The following THNSL1 variants were observed in gnomAD, a reference collection of about 807,000 sequenced individuals.
The protein encoded by THNSL1 is threonine synthase like 1.
THNSL1 carries 48 observed loss-of-function variants against 50.4 expected under a neutral mutation model. The ratio of observed to expected loss-of-function variants is 0.95; its 90% CI spans 0.76 to 1.21. The LOEUF (loss-of-function observed/expected upper bound fraction) is 1.21. Ranked by LOEUF, THNSL1 falls within the 50% of genes most tolerant of loss-of-function variation. THNSL1 has a pLI of 0.00. For missense variants in THNSL1, 896 were observed against 871.7 expected (o/e 1.03, Z -0.35); for synonymous variants, 309 against 306.1 (o/e 1.01, Z -0.10).
At chr10:25,007,791 G>A in the THNSL1 span, among the ~76,000 whole-genome samples, 1 of 152,064 alleles carries the variant, frequency 6.6e-6, no homozygotes, top group East Asian at 1.9e-4. Context: ...GCCAGTAAAT[G>A]CATATGGAAG....
chr10:25,012,399 C>T (rs1725087983), upstream of THNSL1, among the ~76,000 whole-genome samples: 1 of 152,200 alleles, frequency 6.6e-6, no homozygotes. Flanking sequence ...ATGCACCATG[C>T]ACCCAGAAAA....
the THNSL1 span, chr10:24,990,588 A>G: frequency 6.2e-7 from 1 of 1,607,592 alleles, no homozygotes; most frequent in Non-Finnish European, 8.5e-7. Flanking sequence ...TTACATATGT[A>G]TTCAGGTGTG....
chr10:25,017,621 CTTT>C (rs139511500), intron 1 of THNSL1, among the ~76,000 whole-genome samples: 2 of 142,156 alleles, frequency 1.4e-5, no homozygotes, highest in Admixed American at 7.0e-5. Flanking sequence ...TTAAGTTTTT[CTTT>C]TTTTTTTTTT....
chr10:25,010,822 A>G, the THNSL1 span, among the ~76,000 whole-genome samples: 5,454 of 149,722 alleles, frequency 0.036, 229 homozygotes, highest in African/African-American at 0.1. Context: ...TATGTGCCAC[A>G]TTTTCTTAGT....
chr10:24,959,401 G>A, the THNSL1 span, among the ~76,000 whole-genome samples: 2,333 of 152,296 alleles, frequency 0.015, 55 homozygotes, highest in African/African-American at 0.051. Flanking sequence ...TTGGGAAAGA[G>A]GTTGAGAGAT....
the THNSL1 span, among the ~76,000 whole-genome samples, chr10:24,979,151 T>C: frequency 6.6e-6 from 1 of 152,230 alleles, no homozygotes; most frequent in Admixed American, 6.5e-5. Flanking sequence ...TTACATATGA[T>C]GTTCACCAGC....
intron 1 of THNSL1, among the ~76,000 whole-genome samples, chr10:25,021,456 T>C (rs778030204): frequency 2.6e-5 from 4 of 152,338 alleles, no homozygotes; most frequent in Non-Finnish European, 5.9e-5. Context: ...AAATTCCAGA[T>C]ATCCTTCTGA....
At chr10:25,000,070 CTT>C in the THNSL1 span, among the ~76,000 whole-genome samples, 1 of 151,858 alleles carries the variant, frequency 6.6e-6, no homozygotes, top group African/African-American at 2.4e-5. Flanking sequence ...AACTTTAATA[CTT>C]TTGATGTCTT....
the THNSL1 span, among the ~76,000 whole-genome samples, chr10:24,966,010 TG>T: frequency 1.3e-5 from 2 of 152,358 alleles, no homozygotes; most frequent in South Asian, 4.1e-4. Flanking sequence ...GAGATATAAC[TG>T]GCAGAGAAAA....
At chr10:25,023,152 T>C in intron 2 of THNSL1, 24 bp from the exon 3 acceptor site, 1 of 1,445,406 alleles carries the variant, frequency 6.9e-7, no homozygotes, top group East Asian at 2.3e-5. Context: ...TTGTTGTTTT[T>C]TGTTTGTTTT....
the THNSL1 span, chr10:24,952,376 G>A: frequency 9.4e-6 from 8 of 850,316 alleles, no homozygotes; most frequent in African/African-American, 5.0e-5. The surrounding 1 kb of genome is among the most constrained non-coding windows in gnomAD (Gnocchi z 5.1). Flanking sequence ...GAGGAGGCCC[G>A]GGTCCGAGGA....
upstream of THNSL1, among the ~76,000 whole-genome samples, chr10:25,014,375 C>T (rs1355313287): frequency 6.6e-6 from 1 of 152,106 alleles, no homozygotes; most frequent in African/African-American, 2.4e-5. Context: ...CTTTCTTCTA[C>T]TCATTTCTTC....
chr10:24,968,184 G>A, the THNSL1 span, among the ~76,000 whole-genome samples: 4 of 152,080 alleles, frequency 2.6e-5, no homozygotes, highest in African/African-American at 9.7e-5. Flanking sequence ...TCTTACTTTT[G>A]ATTCTAATAT....
At chr10:25,016,154 A>C (rs541657347), upstream of THNSL1, 2 of 1,213,318 alleles carry the variant, frequency 1.6e-6, no homozygotes, top group African/African-American at 3.1e-5. Context: ...AGCGTCGTTG[A>C]CTGTGCGGTT....
At chr10:25,002,994 G>T in the THNSL1 span, among the ~76,000 whole-genome samples, 1 of 151,530 alleles carries the variant, frequency 6.6e-6, no homozygotes, top group Non-Finnish European at 1.5e-5. Context: ...TTTTTGTGTA[G>T]GTATATGAAC....
the THNSL1 span, among the ~76,000 whole-genome samples, chr10:24,972,958 C>T: frequency 6.6e-6 from 1 of 152,082 alleles, no homozygotes; most frequent in African/African-American, 2.4e-5. Flanking sequence ...TTTTTCTGTA[C>T]ATATCTAAAT....
chr10:25,003,020 C>A, the THNSL1 span, among the ~76,000 whole-genome samples: 44 of 151,668 alleles, frequency 2.9e-4, no homozygotes, highest in African/African-American at 1.0e-3. Flanking sequence ...GCCTGTCCAT[C>A]TATTATAGAA....
the THNSL1 span, among the ~76,000 whole-genome samples, chr10:24,988,682 A>G: frequency 3.9e-3 from 23 of 5,868 alleles, no homozygotes; most frequent in African/African-American, 0.012. Context: ...ATATATATAT[A>G]TATATATATA....
chr10:24,961,716 T>C, the THNSL1 span, among the ~76,000 whole-genome samples: 16 of 152,244 alleles, frequency 1.1e-4, no homozygotes, highest in Non-Finnish European at 1.9e-4. Flanking sequence ...CATTCTTTAC[T>C]ATACACTATT....
Sources: gnomAD v4.1 joint callset for allele counts (sites outside exome capture counted in the v4.1 genomes callset) on GRCh38, gnomAD v4.1.1 for gene constraint, Gnocchi (gnomAD v3.1) non-coding constraint, MANE v1.5 for transcripts, NCBI Gene and HGNC (gene_info 2026-07-23, HGNC 2026-07-21) for gene names.